The following TMPRSS3 variants were observed in gnomAD, a reference collection of about 807,000 sequenced individuals.
TMPRSS3 encodes transmembrane protease serine 3.
Under a neutral mutation model 59.6 loss-of-function variants are expected in TMPRSS3, and 55 were observed. The ratio of observed to expected loss-of-function variants is 0.92; its 90% confidence interval spans 0.74 to 1.16. The LOEUF (loss-of-function observed/expected upper bound fraction) is 1.16, where lower values mean the gene tolerates loss of function less well. Ranked by LOEUF, TMPRSS3 falls within the 50% of genes most tolerant of loss-of-function variation. The pLI, the probability that TMPRSS3 is intolerant of heterozygous loss-of-function variation, is 0.00. For synonymous variants in TMPRSS3, 257 were observed against 237.7 expected (o/e 1.08, Z -0.75); for missense variants, 596 against 579.4 (o/e 1.03, Z -0.29).
chr21:42,388,364 T>C lies in TMPRSS3; in HGVS notation c.446+39A>G. 6.2e-7 allele frequency: 1 copy of C among 1,614,196 alleles called. No homozygotes were observed. Among genetic ancestry groups the C allele is most frequent in the East Asian group, 2.2e-5 (1 of 44,892 alleles). ...TGTCTTTCTTTATTGTTATCCTCTC[T>C]GTGTTTTGCCCATGGGTTGGAAATG... On this transcript the variant is annotated intron_variant, in intron 5 of 12. Coordinates refer to ENST00000644384, the MANE Select transcript of TMPRSS3 (RefSeq NM_001256317.3). The surrounding 1 kb of genome is among the most constrained non-coding windows in gnomAD (Gnocchi z 5.1).
chr21:42,393,748 T>A (rs957690499), intron 2 of TMPRSS3, among the ~76,000 whole-genome samples: 1 of 152,248 alleles, frequency 6.6e-6, no homozygotes, highest in Non-Finnish European at 1.5e-5. Context: ...GACCCCACTC[T>A]GCTGTTATGG....
intron 9 of TMPRSS3, 72 bp downstream of exon 9, chr21:42,381,993 C>T (rs1425866064): frequency 1.3e-6 from 2 of 1,579,530 alleles, no homozygotes; most frequent in South Asian, 1.1e-5. Context: ...CATAAGAATG[C>T]TTCAATGAGC....
intron 5 of TMPRSS3, among the ~76,000 whole-genome samples, chr21:42,386,636 G>A (rs540186701): frequency 3.9e-5 from 6 of 152,286 alleles, no homozygotes; most frequent in East Asian, 1.9e-4. Flanking sequence ...CAGCGTCAGC[G>A]GAACTTCAGT....
chr21:42,384,267 T>A (rs1275115242), intron 6 of TMPRSS3, among the ~76,000 whole-genome samples: 1 of 152,124 alleles, frequency 6.6e-6, no homozygotes, highest in East Asian at 1.9e-4. Flanking sequence ...AAGCTTTAGA[T>A]AGCTAGTGAT....
chr21:42,372,830 T>C (rs1341214360), intron 12 of TMPRSS3, 51 bp from the exon 13 acceptor site: 2 of 1,609,796 alleles, frequency 1.2e-6, no homozygotes, highest in Non-Finnish European at 1.7e-6. Flanking sequence ...CAGCCATCCG[T>C]CCAACATGAT....
intron 2 of TMPRSS3, 130 bp downstream of exon 2, chr21:42,395,194 T>C (rs1018189785): frequency 9.0e-6 from 7 of 778,514 alleles, no homozygotes; most frequent in African/African-American, 1.7e-5. Flanking sequence ...TCTAGGGAAG[T>C]GCAGGTGTCC....
chr21:42,383,795 A>C, intron 7 of TMPRSS3, 175 bp downstream of exon 7: 1 of 744,240 alleles, frequency 1.3e-6, no homozygotes, highest in Non-Finnish European at 2.4e-6. Context: ...TGAGGCCGAC[A>C]GGTGAGGATG....
intron 6 of TMPRSS3, among the ~76,000 whole-genome samples, chr21:42,384,745 C>T (rs534783793): frequency 2.4e-4 from 37 of 152,270 alleles, no homozygotes; most frequent in Non-Finnish European, 2.8e-4. Context: ...GTTCCCAGAG[C>T]AGAAAATGCA....
rs371379994 is a variant in TMPRSS3 at position 42,391,272 on chromosome 21, C to G, written c.95-1235G>C. 8.5e-5 allele frequency among the ~76,000 whole-genome samples: 13 copies of G among 152,336 alleles called. 2 individuals are homozygous for G. The highest frequency in any genetic ancestry group is 3.9e-4 in the East Asian group (2 of 5,182). Reference sequence around the variant, plus strand: ...TGTTGCTCAGGCTGATGTCAAACTCCTGGGCTCAAGTGATTCTCCCCACTT... The same window carrying G: ...TGTTGCTCAGGCTGATGTCAAACTCGTGGGCTCAAGTGATTCTCCCCACTT... On this transcript the variant is annotated intron_variant, in intron 2 of 12. Coordinates refer to ENST00000644384, the MANE Select transcript of TMPRSS3 (RefSeq NM_001256317.3).
chr21:42,372,639 G>A lies in TMPRSS3; in HGVS notation c.*123C>T, dbSNP rs758971690. The stretch of plus-strand genomic sequence containing the variant: ...GGTGCCTCTTTCGGGCCTGCTACTG[G>A]TGCCGGAACTCAGAGCTCCAAGGGT... On this transcript the variant is annotated 3_prime_UTR_variant, in exon 13 of 13. Transcript: ENST00000644384. The A allele has an allele frequency of 6.7e-5, 65 of 975,676 alleles. No homozygotes were observed. The highest frequency in any genetic ancestry group is 2.3e-4 in the Middle Eastern group (1 of 4,328). The allele number at this position is 975,676 out of a possible 1,614,324, so 60.4% of individuals were successfully genotyped here.
chr21:42,384,098 A>G lies in TMPRSS3; in HGVS notation c.573-85T>C. 2.3e-6 allele frequency: 3 copies of G among 1,331,022 alleles called. No individual in the cohort carries two copies. The South Asian group carries it at 3.7e-5, about 16-fold the overall frequency. 82.5% of individuals were successfully genotyped at this position (1,331,022 alleles called of 1,614,324 possible). On this transcript the variant is annotated intron_variant, in intron 6 of 12. Coordinates refer to ENST00000644384, the MANE Select transcript of TMPRSS3 (RefSeq NM_001256317.3). Reference sequence around the variant, plus strand: ...CTTAAAAACTCAATCTTAGGGTAACAGAAAAATAAATTCTATTTCCCCCTC... The same window carrying G: ...CTTAAAAACTCAATCTTAGGGTAACGGAAAAATAAATTCTATTTCCCCCTC...
At position 42,383,825 on chromosome 21, in the gene TMPRSS3, G is replaced by C. The variant is rs557400410; in HGVS notation, c.616+145C>G. Reference sequence around the variant, plus strand: ...AGGATGACACTGCTCCCCTCCTCCAGCAGGTAGGGGTACACAGAGTTCCCG... The same window carrying C: ...AGGATGACACTGCTCCCCTCCTCCACCAGGTAGGGGTACACAGAGTTCCCG... On this transcript the variant is annotated intron_variant, in intron 7 of 12. Coordinates refer to ENST00000644384, the MANE Select transcript of TMPRSS3 (RefSeq NM_001256317.3). 1.4e-3 allele frequency: 1,147 copies of C among 833,914 alleles called. 4 individuals are homozygous for C. The highest frequency in any genetic ancestry group is 3.3e-3 in the South Asian group (228 of 69,924). The allele number at this position is 833,914 out of a possible 1,614,324, so 51.7% of individuals were successfully genotyped here.
chr21:42,383,094 G>T lies in TMPRSS3; in HGVS notation c.721C>A (p.Leu241Met). Residue 241 changes from leucine (L) to methionine (M), a missense_variant, in exon 8 of 13, where the codon CTG (leucine) becomes ATG (methionine). Leu to Met is a conservative substitution (Grantham distance 15). Transcript: ENST00000644384. ...QASLQFQGYH[L>M]CGGSVITPLW... ...GGCGTGATGACAGAGCCCCCGCACA[G>T]GTGGTAGCCCTGGAACTGAAGGCTG... is the stretch of plus-strand genomic sequence containing the variant. 1.2e-6 allele frequency: 2 copies of T among 1,614,208 alleles called. No individual in the cohort carries two copies. The highest frequency in any genetic ancestry group is 1.7e-6 in the Non-Finnish European group (2 of 1,180,050).
Position 42,388,106 on chromosome 21 carries a change from T to G in TMPRSS3, c.446+297A>C, listed in dbSNP as rs35275001. On this transcript the variant is annotated intron_variant, in intron 5 of 12. Transcript: ENST00000644384. The surrounding 1 kb of genome is among the most constrained non-coding windows in gnomAD (Gnocchi z 5.1). ...GGAGCTGGAGGGTTTTTTGGTTTTG[T>G]TTTTGTTTTCTACTTTGAAACTTTT... Among the ~76,000 whole-genome samples, 9,582 of 152,230 alleles carry G rather than the reference T, an allele frequency of 0.063. 413 individuals are homozygous for G. The highest frequency in any genetic ancestry group is 0.12 in the Middle Eastern group (34 of 294).
intron 1 of TMPRSS3, chr21:42,395,736 C>T (rs575672969): frequency 7.0e-4 from 280 of 397,356 alleles, no homozygotes; most frequent in African/African-American, 5.1e-3. Context: ...CATTGTTTGT[C>T]CAACCAATCT....
chr21:42,382,386 A>G (rs527465621), intron 8 of TMPRSS3, 152 bp from the exon 9 acceptor site: 4 of 717,892 alleles, frequency 5.6e-6, no homozygotes, highest in African/African-American at 1.7e-5. Flanking sequence ...TGTATATGCA[A>G]CTGCACTGCC....
chr21:42,376,402 G>C (rs2052428709), intron 11 of TMPRSS3, 139 bp downstream of exon 11: 1 of 1,253,680 alleles, frequency 8.0e-7, no homozygotes. Flanking sequence ...GCCAGGAAAA[G>C]GAGTGATATC....
chr21:42,384,156 C>CAAAA (rs10670677), intron 6 of TMPRSS3, 143 bp from the exon 7 acceptor site: 192 of 562,766 alleles, frequency 3.4e-4, no homozygotes, highest in Admixed American at 3.5e-4. Flanking sequence ...AGTCTATGTT[C>CAAAA]AAAAAAAAAA....
At chr21:42,377,450 G>A (rs1383290662) in intron 10 of TMPRSS3, among the ~76,000 whole-genome samples, 1 of 152,228 alleles carries the variant, frequency 6.6e-6, no homozygotes, top group Non-Finnish European at 1.5e-5. Flanking sequence ...CCTCCAGGAG[G>A]AGCCAGCACA....
Sources: gnomAD v4.1 joint callset for allele counts (sites outside exome capture counted in the v4.1 genomes callset) on GRCh38, gnomAD v4.1.1 for gene constraint, Gnocchi (gnomAD v3.1) non-coding constraint, MANE v1.5 for transcripts, NCBI Gene and HGNC (gene_info 2026-07-23, HGNC 2026-07-21) for gene names.